Variants in LINGO2 observed in about 807,000 individuals in gnomAD.
LINGO2 encodes the protein leucine rich repeat and Ig domain containing 2.
LINGO2 carries 14 observed loss-of-function variants against 30.6 expected under a neutral mutation model. The observed-to-expected ratio is 0.46, with a 90% CI of 0.30 to 0.72. The LOEUF (loss-of-function observed/expected upper bound fraction) is 0.72, where lower values mean the gene tolerates loss of function less well. Among genes scored for constraint, LINGO2 ranks in the 30% least tolerant of loss-of-function variants. The pLI is 0.07. For missense variants in LINGO2, 729 were observed against 751.7 expected (o/e 0.97, Z 0.35); for synonymous variants, 317 against 288.5 (o/e 1.10, Z -1.00).
At chr9:28,116,983 C>T (rs952067958) in intron 4 of LINGO2, among the ~76,000 whole-genome samples, 2 of 87,572 alleles carry the variant, frequency 2.3e-5, no homozygotes, top group South Asian at 5.2e-4. Flanking sequence ...GGAGGAGAGG[C>T]GCTCTGCGTT....
At chr9:28,180,552 A>T (rs1304025558) in intron 4 of LINGO2, among the ~76,000 whole-genome samples, 3 of 152,132 alleles carry the variant, frequency 2.0e-5, no homozygotes, top group Non-Finnish European at 2.9e-5. Context: ...CTTCATTCTC[A>T]GTCCTCATGT....
At chr9:28,091,721 G>A (rs1826094572) in intron 4 of LINGO2, among the ~76,000 whole-genome samples, 2 of 152,140 alleles carry the variant, frequency 1.3e-5, no homozygotes, top group South Asian at 4.1e-4. Flanking sequence ...AAACTAAAGA[G>A]CTTCTGCAGA....
chr9:28,491,085 G>A (rs554116432), intron 1 of LINGO2, among the ~76,000 whole-genome samples: 2 of 152,318 alleles, frequency 1.3e-5, no homozygotes, highest in East Asian at 3.9e-4. Context: ...TAGTGTGTAT[G>A]TTTCTTGTTG....
intron 3 of LINGO2, among the ~76,000 whole-genome samples, chr9:28,341,522 A>G (rs1355022201): frequency 6.6e-6 from 1 of 152,140 alleles, no homozygotes; most frequent in South Asian, 2.1e-4. Context: ...TCTCCATGAA[A>G]GCAGCTAATA....
the LINGO2 span, among the ~76,000 whole-genome samples, chr9:28,714,164 A>AATATATATATATATATATATATATAT: frequency 3.5e-3 from 409 of 116,540 alleles, 2 homozygotes; most frequent in Non-Finnish European, 4.9e-3. Context: ...TGCCTCAAAT[A>AATATATATATATATATATATATATAT]ATATATATAT....
At chr9:28,226,637 AAGAAG>A (rs1821162145) in intron 4 of LINGO2, among the ~76,000 whole-genome samples, 1 of 55,708 alleles carries the variant, frequency 1.8e-5, no homozygotes, top group Non-Finnish European at 4.0e-5. Context: ...GAAAGAAGGA[AAGAAG>A]GAAAGAAAGA....
chr9:29,084,597 A>C, the LINGO2 span, among the ~76,000 whole-genome samples: 1 of 151,942 alleles, frequency 6.6e-6, no homozygotes, highest in Admixed American at 6.6e-5. Flanking sequence ...ACATATTCCA[A>C]TGAATTGATA....
At chr9:28,674,993 G>T, upstream of LINGO2, among the ~76,000 whole-genome samples, 1 of 152,074 alleles carries the variant, frequency 6.6e-6, no homozygotes, top group East Asian at 1.9e-4. Flanking sequence ...ATTTTGAATT[G>T]TTATATGTAA....
At position 28,576,765 on chromosome 9, in the gene LINGO2, T is replaced by C. The variant is rs566224012; in HGVS notation, c.-365+93435A>G. 2.5e-3 allele frequency among the ~76,000 whole-genome samples: 375 copies of C among 152,282 alleles called. 4 individuals carry two copies. The highest frequency in any genetic ancestry group is 4.2e-3 in the Non-Finnish European group (286 of 68,032). On this transcript the variant is annotated intron_variant, in intron 1 of 5. Transcript: ENST00000379992. ...AGAGGTACTTGATTACATGAGTATGTTCTTCAGTTGGGATCTGTGAGATTT... is the reference window on the plus strand; with the variant it reads ...AGAGGTACTTGATTACATGAGTATGCTCTTCAGTTGGGATCTGTGAGATTT...
At chr9:27,939,063 T>C in the LINGO2 span, 5 of 152,144 alleles carry the variant, frequency 3.3e-5, no homozygotes, top group Non-Finnish European at 7.4e-5. Flanking sequence ...ATAGAATGTA[T>C]TTACTTATCA....
the LINGO2 span, among the ~76,000 whole-genome samples, chr9:28,753,256 C>T: frequency 2.0e-5 from 3 of 152,022 alleles, no homozygotes; most frequent in Admixed American, 1.3e-4. Flanking sequence ...TTTTGCCTAA[C>T]ACCTCAATGC....
At chr9:27,962,615 T>C (rs1021120328) in intron 5 of LINGO2, among the ~76,000 whole-genome samples, 1 of 152,158 alleles carries the variant, frequency 6.6e-6, no homozygotes, top group Non-Finnish European at 1.5e-5. Context: ...ATCAACTTTT[T>C]GAGTAGCTTA....
chr9:28,684,457 G>T, the LINGO2 span, among the ~76,000 whole-genome samples: 1 of 150,366 alleles, frequency 6.7e-6, no homozygotes, highest in East Asian at 2.0e-4. Flanking sequence ...CCAAAGTGCT[G>T]GGATTACAGG....
chr9:28,759,383 A>G, the LINGO2 span, among the ~76,000 whole-genome samples: 1 of 152,060 alleles, frequency 6.6e-6, no homozygotes. Context: ...ACTATTGTCA[A>G]GAAAATAACC....
intron 4 of LINGO2, among the ~76,000 whole-genome samples, chr9:28,020,110 G>A (rs1357303298): frequency 6.6e-6 from 1 of 152,132 alleles, no homozygotes; most frequent in Non-Finnish European, 1.5e-5. Flanking sequence ...GTCACTTCCA[G>A]TCTGAATGAG....
intron 4 of LINGO2, among the ~76,000 whole-genome samples, chr9:28,044,018 G>A (rs551106593): frequency 8.5e-5 from 13 of 152,076 alleles, no homozygotes; most frequent in South Asian, 2.1e-4. Flanking sequence ...AGTATTCTTC[G>A]AATGTGAAGC....
intron 5 of LINGO2, among the ~76,000 whole-genome samples, chr9:28,009,130 C>A (rs1345141942): frequency 1.1e-5 from 1 of 88,074 alleles, no homozygotes; most frequent in Non-Finnish European, 2.3e-5. Context: ...ACAGATAATT[C>A]AAAGGGAAAA....
the LINGO2 span, among the ~76,000 whole-genome samples, chr9:29,070,522 A>G: frequency 6.6e-6 from 1 of 152,126 alleles, no homozygotes; most frequent in Non-Finnish European, 1.5e-5. Context: ...TACCTCAAGA[A>G]GAAGGCTACC....
chr9:29,063,163 TCC>T, the LINGO2 span, among the ~76,000 whole-genome samples: 60,736 of 151,792 alleles, frequency 0.4, 12,300 homozygotes, highest in East Asian at 0.54. Flanking sequence ...GGACATTTAG[TCC>T]TCTGGGAATT....
Sources: gnomAD v4.1 joint callset for allele counts (sites outside exome capture counted in the v4.1 genomes callset) on GRCh38, gnomAD v4.1.1 for gene constraint, MANE v1.5 for transcripts, NCBI Gene and HGNC (gene_info 2026-07-23, HGNC 2026-07-21) for gene names.